NLGN4X: variants seen among roughly 807,000 people sequenced by gnomAD.
NLGN4X encodes the protein neuroligin 4 X-linked.
A neutral mutation model predicts 40.3 loss-of-function variants in NLGN4X; 3 were observed. The ratio of observed to expected loss-of-function variants is 0.07; its 90% confidence interval spans 0.03 to 0.19. The LOEUF is 0.19. Among genes scored for constraint, NLGN4X ranks in the 10% least tolerant of loss-of-function variants. The pLI is 1.00. For missense variants in NLGN4X, 382 were observed against 708.3 expected, an observed-to-expected ratio of 0.54 and a Z score of 5.23; for synonymous variants, 270 against 306.8, an observed-to-expected ratio of 0.88 and a Z score of 1.25.
Position 6,078,417 on chromosome X carries a change from T to TG in NLGN4X, c.473-48986dup, listed in dbSNP as rs201340329. ...TATGTGTTGCTACTGCTATGGGTAG[T>TG]GGGGGGGTCTTCTAGACACCTGGCC... On this transcript the variant is annotated intron_variant, in intron 2 of 5. Transcript: ENST00000381095. 7.8e-3 allele frequency among the ~76,000 whole-genome samples: 868 copies of TG among 111,202 alleles called. 10 individuals carry two copies. Among genetic ancestry groups the TG allele is most frequent in the African/African-American group, 0.027 (815 of 30,589 alleles).
At chrX:6,062,537 C>T (rs1193716688) in intron 2 of NLGN4X, among the ~76,000 whole-genome samples, 2 of 111,606 alleles carry the variant, frequency 1.8e-5, no homozygotes. Context: ...ATTCTGATGG[C>T]ATACTCTGAT....
At chrX:6,214,246 C>T (rs1251863974) in intron 1 of NLGN4X, among the ~76,000 whole-genome samples, 1 of 111,646 alleles carries the variant, frequency 9.0e-6, no homozygotes, top group Non-Finnish European at 1.9e-5. Flanking sequence ...TTATTCTGCC[C>T]TTCGTTTGCC....
chrX:5,961,506 T>C (rs779675683), intron 3 of NLGN4X, among the ~76,000 whole-genome samples: 2 of 112,243 alleles, frequency 1.8e-5, no homozygotes, highest in Non-Finnish European at 3.8e-5. Context: ...CTTGCACAGG[T>C]TGGATGGGTA....
At chrX:5,920,267 C>T (rs1379670694) in intron 3 of NLGN4X, among the ~76,000 whole-genome samples, 2 of 112,151 alleles carry the variant, frequency 1.8e-5, no homozygotes, top group Non-Finnish European at 3.8e-5. Flanking sequence ...TGTGAAAGAA[C>T]GTTATTCCAG....
intron 3 of NLGN4X, among the ~76,000 whole-genome samples, chrX:5,999,564 C>A (rs1171020189): frequency 8.9e-6 from 1 of 112,172 alleles, no homozygotes; most frequent in Non-Finnish European, 1.9e-5. Context: ...CTGGCTCTCA[C>A]AAACTAGAAT....
At chrX:5,916,201 A>G (rs16983895) in intron 3 of NLGN4X, among the ~76,000 whole-genome samples, 348 of 112,105 alleles carry the variant, frequency 3.1e-3, no homozygotes, top group African/African-American at 0.011. Flanking sequence ...TGATGCATAA[A>G]AATAGCCACC....
At chrX:5,936,824 G>A (rs995360665) in intron 3 of NLGN4X, among the ~76,000 whole-genome samples, 1 of 112,121 alleles carries the variant, frequency 8.9e-6, no homozygotes, top group African/African-American at 3.2e-5. Context: ...TAAATCACGA[G>A]TGGCAGAGGG....
rs780531468 is a variant in NLGN4X, at chrX:6,033,901, CTGCGTCAATCAATCAAGACAGTCTT to C, written c.473-4494_473-4470del. On this transcript the variant is annotated intron_variant, in intron 2 of 5. Coordinates refer to ENST00000381095, the MANE Select transcript of NLGN4X (RefSeq NM_181332.3). ...CATATCCCACTATCAATAACTTTAA[CTGCGTCAATCAATCAAGACAGTCTT>C]TGCCTTCCTATAGGGTTCTAGGATA... 1.2e-3 allele frequency among the ~76,000 whole-genome samples: 140 copies of C among 112,511 alleles called. 1 individual carries two copies. The highest frequency in any genetic ancestry group is 4.4e-3 in the African/African-American group (137 of 31,024).
intron 1 of NLGN4X, among the ~76,000 whole-genome samples, chrX:6,182,062 A>G (rs1399757665): frequency 8.9e-6 from 1 of 111,738 alleles, no homozygotes; most frequent in African/African-American, 3.3e-5. Flanking sequence ...GAAGGTAGCA[A>G]TAACAGTGAC....
intron 5 of NLGN4X, among the ~76,000 whole-genome samples, chrX:5,899,183 A>G (rs1316287912): frequency 4.5e-5 from 5 of 112,248 alleles, no homozygotes; most frequent in Non-Finnish European, 1.9e-5. Flanking sequence ...TACCTTTCCA[A>G]TGAATTAAAA....
rs924016459 is a variant in NLGN4X, at chrX:5,891,996, CTTT to C, written c.*818_*820del. Reference sequence around the variant, plus strand: ...CACAAGTAATTAAGAAGAAAAGCCTCTTTTGTTGGGGAGGAAACAGAGGTGATA... The same window carrying C: ...CACAAGTAATTAAGAAGAAAAGCCTCTGTTGGGGAGGAAACAGAGGTGATA... On this transcript the variant is annotated 3_prime_UTR_variant, in exon 6 of 6. Coordinates refer to ENST00000381095, the MANE Select transcript of NLGN4X (RefSeq NM_181332.3). 28 of 141,086 alleles carry C rather than the reference CTTT, an allele frequency of 2.0e-4. No homozygotes were observed. The highest frequency in any genetic ancestry group is 8.8e-4 in the African/African-American group (27 of 30,842). 11.6% of individuals were successfully genotyped at this position (141,086 alleles called of 1,213,427 possible). A position where few individuals can be genotyped will look rare whatever the true frequency, so the allele number is the denominator to read the frequency against.
At position 5,890,156 on chromosome X, in the gene NLGN4X, C is replaced by A; in HGVS notation, c.*2661G>T. The A allele has an allele frequency of 4.9e-6, 1 of 202,605 alleles. No individual in the cohort carries two copies. The highest frequency in any genetic ancestry group is 6.7e-5 in the South Asian group (1 of 15,016). 16.7% of individuals were successfully genotyped at this position (202,605 alleles called of 1,213,427 possible). On this transcript the variant is annotated 3_prime_UTR_variant, in exon 6 of 6. Transcript: ENST00000381095. ...TAAGGCAAAATAAAAAACAAAACTG[C>A]AAAATAATAACCCAAGGAACCATTA...
At position 5,937,939 on chromosome X, in the gene NLGN4X, T is replaced by C. The variant is rs1371215629; in HGVS notation, c.626-28700A>G. Among the ~76,000 whole-genome samples the C allele has an allele frequency of 2.7e-5, 3 of 112,089 alleles. No homozygotes were observed. In the Admixed American group the frequency reaches 2.8e-4, roughly 11 times the overall value. On this transcript the variant is annotated intron_variant, in intron 3 of 5. Transcript: ENST00000381095. The stretch of plus-strand genomic sequence containing the variant: ...ATTTTGTCCAAGTCTGTGGTGTCCA[T>C]AGTGGCTGCAGGGCTGCAAACACCA...
intron 2 of NLGN4X, among the ~76,000 whole-genome samples, chrX:6,126,400 A>G (rs776280266): frequency 9.0e-6 from 1 of 111,638 alleles, no homozygotes; most frequent in Admixed American, 9.6e-5. Context: ...TTGAAAGGAA[A>G]GAGAGAAAAT....
intron 3 of NLGN4X, among the ~76,000 whole-genome samples, chrX:5,970,704 G>A (rs148453672): frequency 0.068 from 7,580 of 111,479 alleles, 633 homozygotes; most frequent in African/African-American, 0.23. Flanking sequence ...ATTGTCAACT[G>A]GTAAGCTCTT....
intron 3 of NLGN4X, among the ~76,000 whole-genome samples, chrX:6,008,568 A>C (rs925778657): frequency 1.8e-5 from 2 of 112,115 alleles, no homozygotes; most frequent in Admixed American, 1.9e-4. Context: ...CCACTCAAAA[A>C]TTACCATGTC....
chrX:5,924,451 T>C (rs2033195351), intron 3 of NLGN4X, among the ~76,000 whole-genome samples: 1 of 111,961 alleles, frequency 8.9e-6, no homozygotes, highest in African/African-American at 3.2e-5. Context: ...CCTTACAATT[T>C]TTAAAGTTCT....
Position 5,893,055 on chromosome X carries a change from T to C in NLGN4X, c.2213A>G (p.Glu738Gly). 2 of 1,211,288 alleles carry C rather than the reference T, an allele frequency of 1.7e-6. No homozygotes were observed. The highest frequency in any genetic ancestry group is 2.2e-6 in the Non-Finnish European group (2 of 895,438). ...EIMSLQMKQL[E>G]HDHECESLQA... is the part of the protein sequence containing the mutation. ...CAGCGACTCACACTCGTGATCGTGT[T>C]CCAGCTGCTTCATCTGCAGAGACAT... Residue 738 changes from glutamate to glycine, a missense_variant, in exon 6 of 6, where the codon GAA becomes GGA. By Grantham distance (98) the Glu-to-Gly change is moderately conservative. This residue lies in a region of NLGN4X where 149 missense variants were observed against 375.8 expected (regional missense o/e 0.40). Coordinates refer to ENST00000381095, the MANE Select transcript of NLGN4X (RefSeq NM_181332.3).
At chrX:6,190,358 C>T (rs925032623) in intron 1 of NLGN4X, among the ~76,000 whole-genome samples, 1 of 111,703 alleles carries the variant, frequency 9.0e-6, no homozygotes, top group Non-Finnish European at 1.9e-5. Context: ...CTCAAAAGGC[C>T]TTTGTGGTCT....
Sources: gnomAD v4.1 joint callset for allele counts (sites outside exome capture counted in the v4.1 genomes callset) on GRCh38, gnomAD v4.1.1 for gene constraint, gnomAD v4.1.1 regional missense constraint, MANE v1.5 for transcripts, NCBI Gene and HGNC (gene_info 2026-07-23, HGNC 2026-07-21) for gene names.